Variants in PCDHGA3 observed in about 807,000 individuals in gnomAD.
The protein encoded by PCDHGA3 is protocadherin gamma-A3.
In PCDHGA3, 40 loss-of-function variants were observed where a neutral mutation model predicts 58.5. The observed-to-expected ratio is 0.68, with a 90% confidence interval of 0.53 to 0.89. The LOEUF is 0.89. Ranked by LOEUF, PCDHGA3 falls within the 40% of genes least tolerant of loss-of-function variation. The pLI is 0.00. For missense variants in PCDHGA3, 1,223 were observed against 1,195.9 expected, an observed-to-expected ratio of 1.02 and a Z score of -0.33; for synonymous variants, 530 against 525.7, an observed-to-expected ratio of 1.01 and a Z score of -0.11.
chr5:141,501,447 A>G (rs1483189279), intron 2 of PCDHGA3, among the ~76,000 whole-genome samples: 1 of 151,816 alleles, frequency 6.6e-6, no homozygotes, highest in Middle Eastern at 3.2e-3. Flanking sequence ...TTCCATTTTT[A>G]CTTTTCACTA....
chr5:141,390,645 G>C (rs1287845868), intron 1 of PCDHGA3: 1 of 218,998 alleles, frequency 4.6e-6, no homozygotes, highest in Admixed American at 5.3e-5. Context: ...ACTTTTTTCA[G>C]CTTGGATATA....
chr5:141,441,737 C>T lies in PCDHGA3; in HGVS notation c.2425-53070C>T, dbSNP rs2098268916. 5 of 365,122 alleles carry T rather than the reference C, an allele frequency of 1.4e-5. 1 individual carries two copies. The highest frequency in any genetic ancestry group is 1.1e-4 in the South Asian group (5 of 46,286). 22.6% of individuals were successfully genotyped at this position (365,122 alleles called of 1,614,324 possible). ...TGCAGGCCCGCGACCAGGACTAGCT[C>T]GCGCTCGGCGTCAACGTGAGCCTGC... On this transcript the variant is annotated intron_variant, in intron 1 of 3. Transcript: ENST00000253812.
At chr5:141,394,777 C>T (rs2093090848) in intron 1 of PCDHGA3, 5 of 1,613,516 alleles carry the variant, frequency 3.1e-6, no homozygotes, top group African/African-American at 2.7e-5. Flanking sequence ...CCCCCTCTCT[C>T]CGCCACTGTC....
chr5:141,351,826 C>A lies in PCDHGA3; in HGVS notation c.2424+5369C>A. The stretch of plus-strand genomic sequence containing the variant: ...GCGCCTTCGACCACGAGCAGCTGCG[C>A]GCCTTCGAGCTCACACTGCAGGCCA... On this transcript the variant is annotated intron_variant, in intron 1 of 3. Transcript: ENST00000253812. 6 of 1,613,200 alleles carry A rather than the reference C, an allele frequency of 3.7e-6. No homozygotes were observed. In the African/African-American group the frequency reaches 4.0e-5, roughly 11 times the overall value.
At chr5:141,501,326 CACACA>C (rs2099807944) in intron 2 of PCDHGA3, among the ~76,000 whole-genome samples, 1 of 151,784 alleles carries the variant, frequency 6.6e-6, no homozygotes, top group Non-Finnish European at 1.5e-5. Flanking sequence ...CACACACACA[CACACA>C]CACCCCAAAC....
chr5:141,422,938 G>A (rs1226350240), intron 1 of PCDHGA3: 2 of 1,614,116 alleles, frequency 1.2e-6, no homozygotes, highest in Non-Finnish European at 1.7e-6. Flanking sequence ...CCTCCCCACA[G>A]ACGGCTCCAC....
At position 141,431,118 on chromosome 5, in the gene PCDHGA3, A is replaced by C; in HGVS notation, c.2425-63689A>C. On this transcript the variant is annotated intron_variant, in intron 1 of 3. Coordinates refer to ENST00000253812, the MANE Select transcript of PCDHGA3 (RefSeq NM_018916.4). The surrounding 1 kb of genome is among the most constrained non-coding windows in gnomAD (Gnocchi z 4.8). ...GATAAAGTGAAAATATATGGAGTAG[A>C]AGTAGAAGTAAGGGACATTAACGAC... 6.2e-7 allele frequency: 1 copy of C among 1,614,182 alleles called. No individual in the cohort carries two copies. Among genetic ancestry groups the C allele is most frequent in the Non-Finnish European group, 8.5e-7 (1 of 1,179,974 alleles).
At chr5:141,398,416 G>A (rs2093654818) in intron 1 of PCDHGA3, 3 of 1,496,580 alleles carry the variant, frequency 2.0e-6, no homozygotes, top group South Asian at 1.1e-5. Flanking sequence ...GGAGATATGC[G>A]GGAAGAAGCC....
intron 1 of PCDHGA3, chr5:141,427,726 T>C: frequency 8.7e-7 from 1 of 1,155,152 alleles, no homozygotes; most frequent in Non-Finnish European, 1.3e-6. Context: ...GACCTAGGGC[T>C]GAATGGCCAA....
chr5:141,386,918 A>G (rs758924740), intron 1 of PCDHGA3, among the ~76,000 whole-genome samples: 8 of 152,206 alleles, frequency 5.3e-5, no homozygotes, highest in Non-Finnish European at 1.2e-4. Context: ...CAAGGAATGT[A>G]AAATAAGTGC....
At chr5:141,387,768 T>G (rs892776132) in intron 1 of PCDHGA3, 1 of 1,435,344 alleles carries the variant, frequency 7.0e-7, no homozygotes, top group African/African-American at 1.4e-5. Context: ...AGAAGAATTT[T>G]TTCTTGAACT....
Position 141,431,374 on chromosome 5 carries a change from GGCT to G in PCDHGA3, c.2425-63429_2425-63427del, listed in dbSNP as rs752583215. The G allele has an allele frequency of 1.7e-4, 275 of 1,613,980 alleles. No individual in the cohort carries two copies. Among genetic ancestry groups the G allele is most frequent in the Non-Finnish European group, 2.0e-4 (238 of 1,180,036 alleles). On this transcript the variant is annotated intron_variant, in intron 1 of 3. Coordinates refer to ENST00000253812, the MANE Select transcript of PCDHGA3 (RefSeq NM_018916.4). This position sits in a 1 kb window ranked among gnomAD's most constrained non-coding sequence, Gnocchi z 4.8. Reference sequence around the variant, plus strand: ...AACGCGCCCTGGACCGCGAAGAAAAGGCTGCTCACCACCTGGTCCTTACGGCCT... The same window carrying G: ...AACGCGCCCTGGACCGCGAAGAAAAGGCTCACCACCTGGTCCTTACGGCCT...
At chr5:141,380,772 CTT>C (rs1776732495) in intron 1 of PCDHGA3, among the ~76,000 whole-genome samples, 1 of 152,070 alleles carries the variant, frequency 6.6e-6, no homozygotes, top group Admixed American at 6.6e-5. Context: ...TTAATTGAGA[CTT>C]TTTTAAAACA....
chr5:141,424,005 C>A, intron 1 of PCDHGA3: 1 of 1,070,322 alleles, frequency 9.3e-7, no homozygotes. Context: ...TATATAGATA[C>A]AAATTAATGA....
At chr5:141,418,830 G>T (rs371820904) in intron 1 of PCDHGA3, 44 of 1,613,858 alleles carry the variant, frequency 2.7e-5, no homozygotes, top group Non-Finnish European at 3.6e-5. Flanking sequence ...GCAAAAGACC[G>T]AGGATCTCTC....
At chr5:141,405,389 T>A in intron 1 of PCDHGA3, 12 of 1,600,534 alleles carry the variant, frequency 7.5e-6, no homozygotes, top group Non-Finnish European at 8.5e-6. Context: ...GAGTTCATTT[T>A]TTTTCTTTCT....
At chr5:141,363,892 G>C (rs1763101718) in intron 1 of PCDHGA3, among the ~76,000 whole-genome samples, 1 of 152,144 alleles carries the variant, frequency 6.6e-6, no homozygotes, top group Non-Finnish European at 1.5e-5. Flanking sequence ...AGGCTCCCCC[G>C]ATGACGCATT....
rs756612454 is a variant in PCDHGA3, at chr5:141,372,732, C to A, written c.2424+26275C>A. On this transcript the variant is annotated intron_variant, in intron 1 of 3. Coordinates refer to ENST00000253812, the MANE Select transcript of PCDHGA3 (RefSeq NM_018916.4). Reference sequence around the variant, plus strand: ...GGCTGAAAATGCTGCACCACAAGATCTTCTATGTGATGAAGCCTCTTGGTT... The same window carrying A: ...GGCTGAAAATGCTGCACCACAAGATATTCTATGTGATGAAGCCTCTTGGTT... 8 of 1,613,376 alleles carry A rather than the reference C, an allele frequency of 5.0e-6. No homozygotes were observed. In the South Asian group the frequency reaches 8.8e-5, roughly 18 times the overall value.
chr5:141,453,099 C>CT (rs568622146), intron 1 of PCDHGA3, among the ~76,000 whole-genome samples: 1 of 151,962 alleles, frequency 6.6e-6, no homozygotes, highest in East Asian at 1.9e-4. Flanking sequence ...TTTTCTGTTG[C>CT]TTTTTTGTTT....
Sources: allele counts gnomAD v4.1 joint callset (sites outside exome capture counted in the v4.1 genomes callset), GRCh38; gene constraint gnomAD v4.1.1; non-coding constraint Gnocchi (gnomAD v3.1); transcripts MANE v1.5; gene names NCBI Gene and HGNC (gene_info 2026-07-23, HGNC 2026-07-21).